GMFG: variants seen among roughly 807,000 people sequenced by gnomAD.
GMFG encodes glia maturation factor gamma.
GMFG carries 21 observed loss-of-function variants against 26.1 expected under a neutral mutation model. The observed-to-expected ratio is 0.80, with a 90% confidence interval of 0.57 to 1.16. The LOEUF (loss-of-function observed/expected upper bound fraction) is 1.16. Among genes scored for constraint, GMFG ranks in the 50% most tolerant of loss-of-function variants. The probability of loss-of-function intolerance (pLI) is 0.00; values close to 1 mark genes in which losing one functional copy is unlikely to be tolerated. For missense variants in GMFG, 161 were observed against 178.3 expected, an observed-to-expected ratio of 0.90 and a Z score of 0.55; for synonymous variants, 65 against 60.8, an observed-to-expected ratio of 1.07 and a Z score of -0.32.
At chr19:39,331,375 G>A (rs144053204) in intron 4 of GMFG, among the ~76,000 whole-genome samples, 375 of 152,324 alleles carry the variant, frequency 2.5e-3, no homozygotes, top group Middle Eastern at 0.014. Context: ...GAAGGTGACC[G>A]TTAACCCCCA....
At chr19:39,333,976 G>C (rs1263439179) in intron 3 of GMFG, among the ~76,000 whole-genome samples, 2 of 150,894 alleles carry the variant, frequency 1.3e-5, no homozygotes, top group Non-Finnish European at 2.9e-5. Context: ...CCACCAGGGG[G>C]GTGAGGTCTA....
intron 2 of GMFG, 30 bp from the exon 3 acceptor site, chr19:39,335,340 C>G (rs1484379443): frequency 1.3e-6 from 2 of 1,595,766 alleles, no homozygotes; most frequent in African/African-American, 2.7e-5. Flanking sequence ...AGGGATTAGA[C>G]ACTCCCCCTG....
At chr19:39,330,310 T>C (rs1388101668) in intron 4 of GMFG, among the ~76,000 whole-genome samples, 3 of 152,192 alleles carry the variant, frequency 2.0e-5, no homozygotes, top group Non-Finnish European at 4.4e-5. Context: ...CTGTGACCAG[T>C]GATGGCTACA....
chr19:39,329,548 A>G lies in GMFG; in HGVS notation c.279T>C (p.Pro93=), dbSNP rs1007198850. Residue 93 remains proline (P), a synonymous_variant, in exon 5 of 7, where the codon CCT becomes CCC. Transcript: ENST00000597595. ...SYPLCFIFSS[P]VGCKPEQQMM... ...GACAGTAGAGCTGTGTCTCACCCAC[A>G]GGGCTGGAGAAGATGAAACACAAAG... is the stretch of plus-strand genomic sequence containing the variant. The G allele has an allele frequency of 1.3e-6, 2 of 1,586,886 alleles. No individual in the cohort carries two copies. Among genetic ancestry groups the G allele is most frequent in the Non-Finnish European group, 1.7e-6 (2 of 1,155,294 alleles).
At position 39,333,718 on chromosome 19, in the gene GMFG, C is replaced by G. The variant is rs143075606; in HGVS notation, c.151-592G>C. Among the ~76,000 whole-genome samples, 17 of 152,148 alleles carry G rather than the reference C, an allele frequency of 1.1e-4. No homozygotes were observed. In the East Asian group the frequency reaches 3.3e-3, roughly 29 times the overall value. On this transcript the variant is annotated intron_variant, in intron 3 of 6. Transcript: ENST00000597595. ...CTGTGGGGTAGGTCCCATCATTATG[C>G]CCACTATACAGCTGAGAAAACTGAG...
chr19:39,329,438 A>T (rs111976645), intron 5 of GMFG, 106 bp downstream of exon 5: 2 of 720,090 alleles, frequency 2.8e-6, no homozygotes, highest in Non-Finnish European at 2.6e-6. Context: ...AGGCTGTCAC[A>T]TGCTCACACT....
intron 3 of GMFG, 123 bp from the exon 4 acceptor site, chr19:39,333,249 C>T (rs940764478): frequency 4.2e-6 from 2 of 475,196 alleles, no homozygotes; most frequent in Non-Finnish European, 7.7e-6. Flanking sequence ...TCATTCAGAC[C>T]ATCCTGGCTA....
Position 39,333,125 on chromosome 19 carries a change from T to G in GMFG, c.152A>C (p.Asn51Thr), listed in dbSNP as rs1049390911. 1.3e-6 allele frequency: 2 copies of G among 1,593,100 alleles called. No homozygotes were observed. Among genetic ancestry groups the G allele is most frequent in the Non-Finnish European group, 1.7e-6 (2 of 1,165,524 alleles). ...CATTTTGAGCTCCTCTGGGGAAATGTTCTGAGGCAAGAAAACAGAAGAAAA... is the reference window on the plus strand; with the variant it reads ...CATTTTGAGCTCCTCTGGGGAAATGGTCTGAGGCAAGAAAACAGAAGAAAA... ...QMVVLEEEFQ[N>T]ISPEELKMEL... Residue 51 changes from asparagine (N) to threonine (T), a missense_variant and splice_region_variant, in exon 4 of 7, where the codon AAC becomes ACC. By Grantham distance (65) the Asn-to-Thr change is moderately conservative. Coordinates refer to ENST00000597595, the MANE Select transcript of GMFG (RefSeq NM_004877.4).
At chr19:39,330,257 C>T (rs1272181102) in intron 4 of GMFG, among the ~76,000 whole-genome samples, 1 of 151,066 alleles carries the variant, frequency 6.6e-6, no homozygotes, top group Admixed American at 6.6e-5. Flanking sequence ...TAAGTTCTCA[C>T]CCCCTATGCA....
In GMFG at chr19:39,335,318, G is replaced by A; in HGVS notation, c.101-8C>T. 6.3e-7 allele frequency: 1 copy of A among 1,579,006 alleles called. No individual in the cohort carries two copies. The highest frequency in any genetic ancestry group is 8.6e-7 in the Non-Finnish European group (1 of 1,160,334). On this transcript the variant is annotated splice_region_variant and splice_polypyrimidine_tract_variant and intron_variant, in intron 2 of 6. Transcript: ENST00000597595. ...GGTCTTTGTCCACCTTCACTGGGGAGGGGTGGCACACAGGGATTAGACACT... is the reference window on the plus strand; with the variant it reads ...GGTCTTTGTCCACCTTCACTGGGGAAGGGTGGCACACAGGGATTAGACACT...
At chr19:39,329,450 T>C in intron 5 of GMFG, 94 bp downstream of exon 5, 3 of 758,148 alleles carry the variant, frequency 4.0e-6, no homozygotes, top group Non-Finnish European at 7.1e-6. Context: ...GCTCACACTC[T>C]TACACAAGTG....
At chr19:39,328,610 G>T in intron 6 of GMFG, 62 bp from the exon 7 acceptor site, 2 of 1,258,410 alleles carry the variant, frequency 1.6e-6, no homozygotes, top group Non-Finnish European at 2.3e-6. Flanking sequence ...GGCTGGGCAC[G>T]GTGGCTCACC....
intron 1 of GMFG, 42 bp downstream of exon 1, chr19:39,335,920 GCCCCAGCCCCAA>G: frequency 1.6e-6 from 2 of 1,273,000 alleles, no homozygotes; most frequent in Non-Finnish European, 2.3e-6. Flanking sequence ...TGTCCTCCAA[GCCCCAGCCCCAA>G]CCCCAGCCCC....
chr19:39,335,962 C>G lies in GMFG; in HGVS notation c.3+12G>C, dbSNP rs1207595570. Reference sequence around the variant, plus strand: ...AGCCCCAGCTCTTCCCATAGAACCCCTGGCCCCTGACCATGATTGTTCTGT... The same window carrying G: ...AGCCCCAGCTCTTCCCATAGAACCCGTGGCCCCTGACCATGATTGTTCTGT... On this transcript the variant is annotated intron_variant, in intron 1 of 6. Transcript: ENST00000597595. 2 of 1,585,178 alleles carry G rather than the reference C, an allele frequency of 1.3e-6. No individual in the cohort carries two copies.
chr19:39,334,270 C>T (rs2075239783), intron 3 of GMFG, among the ~76,000 whole-genome samples: 1 of 152,114 alleles, frequency 6.6e-6, no homozygotes, highest in African/African-American at 2.4e-5. Flanking sequence ...CCCGCCTCAG[C>T]CTCCCAAAGT....
At chr19:39,329,125 C>T in intron 5 of GMFG, 52 bp from the exon 6 acceptor site, 2 of 1,283,568 alleles carry the variant, frequency 1.6e-6, no homozygotes, top group East Asian at 2.3e-5. Flanking sequence ...GGCGTGTTCT[C>T]TAAAGCTCTA....
At chr19:39,329,218 G>T (rs577501912) in intron 5 of GMFG, 145 bp from the exon 6 acceptor site, 2 of 621,286 alleles carry the variant, frequency 3.2e-6, no homozygotes, top group Admixed American at 2.9e-5. Context: ...CAGTTTCTAG[G>T]TTGGCTTGGG....
intron 4 of GMFG, among the ~76,000 whole-genome samples, chr19:39,330,681 C>T (rs186261029): frequency 1.1e-3 from 161 of 151,506 alleles, no homozygotes; most frequent in African/African-American, 3.6e-3. Context: ...ATTGCAGCCT[C>T]GACCTCCCAG....
In GMFG at chr19:39,328,567, C is replaced by G. The variant is rs751377742; in HGVS notation, c.358-19G>C. 1 of 1,589,262 alleles carries G rather than the reference C, an allele frequency of 6.3e-7. No individual in the cohort carries two copies. Among genetic ancestry groups the G allele is most frequent in the Non-Finnish European group, 8.6e-7 (1 of 1,157,892 alleles). On this transcript the variant is annotated intron_variant, in intron 6 of 6. Coordinates refer to ENST00000597595, the MANE Select transcript of GMFG (RefSeq NM_004877.4). ...CGAACACCTGGGCAGAGAGAGGTCT[C>G]GGCATTATGATCTACTCAAACACTG...
Sources: gnomAD v4.1 joint callset for allele counts (sites outside exome capture counted in the v4.1 genomes callset) on GRCh38, gnomAD v4.1.1 for gene constraint, MANE v1.5 for transcripts, NCBI Gene and HGNC (gene_info 2026-07-23, HGNC 2026-07-21) for gene names.